Variants in DUS2 observed in about 807,000 individuals in gnomAD.
DUS2 encodes the protein tRNA-dihydrouridine(20) synthase [NAD(P)+]-like.
DUS2 carries 52 observed loss-of-function variants against 71.3 expected under a neutral mutation model. The observed-to-expected ratio is 0.73, with a 90% CI of 0.58 to 0.92. The LOEUF (loss-of-function observed/expected upper bound fraction) is 0.92. Among genes scored for constraint, DUS2 ranks in the 40% least tolerant of loss-of-function variants. The pLI is 0.00. For missense variants in DUS2, 558 were observed against 622.6 expected (o/e 0.90, Z 1.10); for synonymous variants, 204 against 227.8 (o/e 0.90, Z 0.94).
intron 9 of DUS2, 49 bp from the exon 10 acceptor site, chr16:68,066,517 T>C: frequency 6.2e-7 from 1 of 1,603,318 alleles, no homozygotes; most frequent in South Asian, 1.1e-5. Flanking sequence ...AGGCAGCAGC[T>C]GCTCCTTCTG....
intron 8 of DUS2, 131 bp from the exon 9 acceptor site, chr16:68,066,186 C>T (rs186128157): frequency 8.0e-5 from 65 of 816,218 alleles, no homozygotes; most frequent in Admixed American, 6.8e-4. Flanking sequence ...AACAGACACA[C>T]ACATGCATTC....
chr16:68,073,249 C>T (rs1425887611), intron 12 of DUS2, among the ~76,000 whole-genome samples: 2 of 152,098 alleles, frequency 1.3e-5, no homozygotes, highest in Non-Finnish European at 2.9e-5. Flanking sequence ...TGACCAAGGT[C>T]GAAGTGGCTT....
At chr16:68,057,015 T>C (rs2033864919) in intron 7 of DUS2, among the ~76,000 whole-genome samples, 1 of 138,794 alleles carries the variant, frequency 7.2e-6, no homozygotes, top group South Asian at 2.1e-4. Flanking sequence ...AATATATAAT[T>C]ATATAATACA....
chr16:68,054,491 A>T, intron 5 of DUS2, 83 bp from the exon 6 acceptor site: 1 of 1,409,106 alleles, frequency 7.1e-7, no homozygotes, highest in Non-Finnish European at 1.0e-6. Flanking sequence ...GTGTGTGTGT[A>T]TGTGTGTGCT....
At chr16:68,042,704 T>A (rs962069804) in intron 3 of DUS2, among the ~76,000 whole-genome samples, 52 of 150,844 alleles carry the variant, frequency 3.4e-4, no homozygotes, top group African/African-American at 1.1e-3. Context: ...TTTTTATTTT[T>A]ATTTTATTTT....
intron 1 of DUS2, chr16:68,024,023 A>G (rs1343643497): frequency 1.8e-5 from 3 of 165,730 alleles, no homozygotes; most frequent in East Asian, 3.8e-4. Context: ...CTTATCATGT[A>G]GCCCTGGTCA....
At position 68,023,320 on chromosome 16, in the gene DUS2, A is replaced by C; in HGVS notation, c.-130A>C. ...TGGAGCTGGAGCACCGTGAGGAAGA[A>C]GCGAGGTTCTTTTTAAGAGTTCAGC... On this transcript the variant is annotated 5_prime_UTR_variant, in exon 1 of 17. Coordinates refer to ENST00000565263, the MANE Select transcript of DUS2 (RefSeq NM_017803.5). 8.0e-7 allele frequency: 1 copy of C among 1,247,764 alleles called. No individual in the cohort carries two copies. The highest frequency in any genetic ancestry group is 1.1e-6 in the Non-Finnish European group (1 of 913,768). The allele number at this position is 1,247,764 out of a possible 1,614,324, so 77.3% of individuals were successfully genotyped here. A position where few individuals can be genotyped will look rare whatever the true frequency, so the allele number is the denominator to read the frequency against.
At chr16:68,037,631 C>T (rs1446354765) in intron 2 of DUS2, among the ~76,000 whole-genome samples, 1 of 152,012 alleles carries the variant, frequency 6.6e-6, no homozygotes, top group Non-Finnish European at 1.5e-5. Context: ...GTTGGCCAGG[C>T]TGGTCTCAAA....
chr16:68,056,260 G>C (rs2033849691), intron 6 of DUS2, 104 bp from the exon 7 acceptor site: 1 of 952,888 alleles, frequency 1.0e-6, no homozygotes, highest in Non-Finnish European at 1.6e-6. Context: ...TAGAGTCAGG[G>C]ACAGGGTAAG....
At chr16:68,050,642 GAAGAT>G (rs2033765432) in intron 4 of DUS2, among the ~76,000 whole-genome samples, 1 of 152,032 alleles carries the variant, frequency 6.6e-6, no homozygotes, top group Non-Finnish European at 1.5e-5. Context: ...CTTCTAGGTT[GAAGAT>G]AAGGAAAAAA....
At chr16:68,072,885 T>G (rs1017529590) in intron 12 of DUS2, among the ~76,000 whole-genome samples, 2 of 152,184 alleles carry the variant, frequency 1.3e-5, no homozygotes, top group African/African-American at 2.4e-5. Flanking sequence ...ACCTCACACT[T>G]GTATAGATAA....
chr16:68,058,154 A>G (rs1021464462), intron 7 of DUS2, among the ~76,000 whole-genome samples: 1 of 151,942 alleles, frequency 6.6e-6, no homozygotes, highest in African/African-American at 2.4e-5. Context: ...ATGATGAAGA[A>G]GAAGCAGACT....
chr16:68,066,597 T>C lies in DUS2; in HGVS notation c.515T>C (p.Ile172Thr). The change falls in exon 10 of 17, where the codon ATA becomes ACA. Residue 172 changes from isoleucine (I) to threonine (T), a missense_variant. Physicochemically the swap from Ile to Thr is moderately conservative, Grantham distance 89. Coordinates refer to ENST00000565263, the MANE Select transcript of DUS2 (RefSeq NM_017803.5). ...GATACCCTGAGCCTTGTGAAGCGGA[T>C]AGAGAGGACTGGCATTGCTGCCATC... ...LEDTLSLVKRIERTGIAAIAV... is the reference protein window; with the variant it reads ...LEDTLSLVKRTERTGIAAIAV... The C allele has an allele frequency of 6.2e-7, 1 of 1,614,234 alleles. No homozygotes were observed. The highest frequency in any genetic ancestry group is 8.5e-7 in the Non-Finnish European group (1 of 1,180,030).
intron 6 of DUS2, 132 bp from the exon 7 acceptor site, chr16:68,056,232 G>A: frequency 4.6e-6 from 3 of 658,174 alleles, no homozygotes. Context: ...TTCTGTCATT[G>A]GGGGTTGGTG....
At chr16:68,066,680 C>T (rs1567480345) in intron 10 of DUS2, 44 bp downstream of exon 10, 13 of 1,581,496 alleles carry the variant, frequency 8.2e-6, no homozygotes, top group Non-Finnish European at 1.1e-5. Flanking sequence ...GGTCCTAACC[C>T]ATCTTAGTGA....
intron 3 of DUS2, among the ~76,000 whole-genome samples, chr16:68,046,504 C>T (rs957648080): frequency 2.0e-5 from 3 of 151,900 alleles, no homozygotes; most frequent in Non-Finnish European, 4.4e-5. Context: ...TCAGCCTCCC[C>T]AGTAGCTGGG....
At chr16:68,059,142 G>A (rs2033903048) in intron 7 of DUS2, among the ~76,000 whole-genome samples, 1 of 152,134 alleles carries the variant, frequency 6.6e-6, no homozygotes, top group South Asian at 2.1e-4. Context: ...GAACCCCAGA[G>A]GCAGAGGTCG....
intron 2 of DUS2, chr16:68,027,171 A>C (rs2033363162): frequency 6.6e-6 from 1 of 152,110 alleles, no homozygotes. Flanking sequence ...TGGCTGGGAT[A>C]GAGTTCTTCT....
intron 8 of DUS2, among the ~76,000 whole-genome samples, chr16:68,063,273 G>T (rs1331346124): frequency 6.6e-6 from 1 of 152,210 alleles, no homozygotes; most frequent in Admixed American, 6.5e-5. Context: ...TGGCTTAGGT[G>T]TAGGGGCTGG....
Sources: gnomAD v4.1 joint callset for allele counts (sites outside exome capture counted in the v4.1 genomes callset) on GRCh38, gnomAD v4.1.1 for gene constraint, MANE v1.5 for transcripts, NCBI Gene and HGNC (gene_info 2026-07-23, HGNC 2026-07-21) for gene names.